Variants in DISC1 observed in about 807,000 individuals in gnomAD.
DISC1 encodes the protein disrupted in schizophrenia 1 protein.
In DISC1, 57 loss-of-function variants were observed where a neutral mutation model predicts 84.5. The ratio of observed to expected loss-of-function variants is 0.67; its 90% CI spans 0.55 to 0.84. The LOEUF (loss-of-function observed/expected upper bound fraction) is 0.84, where lower values mean the gene tolerates loss of function less well. Ranked by LOEUF, DISC1 falls within the 40% of genes least tolerant of loss-of-function variation. The pLI, the probability that DISC1 is intolerant of heterozygous loss-of-function variation, is 0.00. For missense variants in DISC1, 1,000 were observed against 1,057.8 expected, an observed-to-expected ratio of 0.95 and a Z score of 0.76; for synonymous variants, 411 against 415.2, an observed-to-expected ratio of 0.99 and a Z score of 0.12.
chr1:231,694,221 A>T lies in DISC1; in HGVS notation c.463A>T (p.Thr155Ser), dbSNP rs750498211. The change falls in exon 2 of 13, where the codon ACC becomes TCC. Residue 155 changes from threonine to serine, a missense_variant. By Grantham distance (58) the Thr-to-Ser change is moderately conservative (BLOSUM62 1). Around this residue, in one of 3 missense-constraint regions of DISC1, gnomAD observed 292 missense variants for 280.2 expected, o/e 1.04. Transcript: ENST00000439617. ...GTTTGCAGCCATGGATAGTTCTGAG[A>T]CCCTGGACGCCAGCTGGGAGGCAGC... ...QEFAAMDSSE[T>S]LDASWEAACS... 1.2e-6 allele frequency: 2 copies of T among 1,614,094 alleles called. No individual in the cohort carries two copies. The highest frequency in any genetic ancestry group is 1.7e-5 in the Admixed American group (1 of 60,028).
chr1:231,890,492 T>C (rs1318947566), intron 9 of DISC1, among the ~76,000 whole-genome samples: 1 of 152,178 alleles, frequency 6.6e-6, no homozygotes, highest in Non-Finnish European at 1.5e-5. Flanking sequence ...TGACACTATA[T>C]ATGATTTAAC....
chr1:231,975,827 G>GTGA (rs552553556), intron 10 of DISC1, among the ~76,000 whole-genome samples: 49 of 152,310 alleles, frequency 3.2e-4, no homozygotes, highest in African/African-American at 1.2e-3. Context: ...ATTTGGAAAG[G>GTGA]TGAGAGAGTG....
chr1:231,742,771 G>A (rs1459993405), intron 3 of DISC1, among the ~76,000 whole-genome samples: 1 of 144,380 alleles, frequency 6.9e-6, no homozygotes, highest in African/African-American at 2.7e-5. Context: ...AAAGCTAGGT[G>A]TGGTGGCACA....
intron 1 of DISC1, among the ~76,000 whole-genome samples, chr1:231,644,398 C>G (rs984796515): frequency 3.9e-5 from 6 of 152,230 alleles, no homozygotes; most frequent in Non-Finnish European, 7.3e-5. Context: ...ATATCCCAGG[C>G]TTTCTCGCCA....
chr1:231,694,710 A>G lies in DISC1; in HGVS notation c.952A>G (p.Ser318Gly), dbSNP rs995408222. The stretch of plus-strand genomic sequence containing the variant: ...GGCTGGCTGTGGTGGTGATGGGAGC[A>G]GCGGCTCAGGGGATGCCCACTCTTG... ...SLAGCGGDGSSGSGDAHSWDT... is the reference protein window; with the variant it reads ...SLAGCGGDGSGGSGDAHSWDT... The change falls in exon 2 of 13, where the codon AGC becomes GGC. Residue 318 changes from serine (S) to glycine (G), a missense_variant. Physicochemically the swap from Ser to Gly is moderately conservative, Grantham distance 56. Transcript: ENST00000439617. 6.2e-7 allele frequency: 1 copy of G among 1,614,190 alleles called. No homozygotes were observed. Among genetic ancestry groups the G allele is most frequent in the Non-Finnish European group, 8.5e-7 (1 of 1,180,048 alleles).
intron 9 of DISC1, among the ~76,000 whole-genome samples, chr1:231,823,365 T>A (rs938455012): frequency 6.6e-6 from 1 of 152,034 alleles, no homozygotes; most frequent in African/African-American, 2.4e-5. Flanking sequence ...CAAACAACAA[T>A]AAAATTTAAA....
chr1:231,957,649 G>C (rs1041561392), intron 9 of DISC1, among the ~76,000 whole-genome samples: 5 of 152,128 alleles, frequency 3.3e-5, no homozygotes, highest in Non-Finnish European at 5.9e-5. Flanking sequence ...TGTTAGACCA[G>C]CATAAGTCAA....
chr1:231,755,630 A>G (rs1461793098), intron 4 of DISC1, among the ~76,000 whole-genome samples: 1 of 151,958 alleles, frequency 6.6e-6, no homozygotes, highest in African/African-American at 2.4e-5. Flanking sequence ...TATCTTTTAA[A>G]CTAAATTTAC....
chr1:232,022,924 C>T (rs1221096662), intron 11 of DISC1, among the ~76,000 whole-genome samples: 1 of 152,154 alleles, frequency 6.6e-6, no homozygotes, highest in Admixed American at 6.5e-5. Context: ...CTTGGAAAAA[C>T]AGCCCCACGA....
In DISC1 at chr1:231,626,880, G is replaced by T; in HGVS notation, c.13G>T (p.Gly5Cys). The change falls in exon 1 of 13, where the codon GGT (glycine) becomes TGT (cysteine). Residue 5 changes from glycine (G) to cysteine (C), a missense_variant. This residue lies in a region of DISC1 where 292 missense variants were observed against 280.2 expected (regional missense o/e 1.04). Transcript: ENST00000439617. MPGG[G>C]PQGAPAAAGG... ...GGCAGCGGGGCGCATGCCAGGCGGG[G>T]GTCCTCAGGGCGCCCCAGCCGCCGC... 6.7e-7 allele frequency: 1 copy of T among 1,484,724 alleles called. No homozygotes were observed. The highest frequency in any genetic ancestry group is 1.3e-5 in the South Asian group (1 of 78,618). The allele number at this position is 1,484,724 out of a possible 1,614,324, so 92.0% of individuals were successfully genotyped here.
chr1:231,900,952 C>G (rs1162597238), intron 9 of DISC1, among the ~76,000 whole-genome samples: 1 of 152,214 alleles, frequency 6.6e-6, no homozygotes, highest in Non-Finnish European at 1.5e-5. Context: ...TCTAGTCTGC[C>G]ATGGGTTTGG....
In DISC1 at chr1:231,829,044, A is replaced by G. The variant is rs191939707; in HGVS notation, c.1981+10527A>G. On this transcript the variant is annotated intron_variant, in intron 9 of 12. Coordinates refer to ENST00000439617, the MANE Select transcript of DISC1 (RefSeq NM_018662.3). ...CAATTTATTATTTTTTATGTACATAACAGTCCAAGGATCAATATACTGTGA... is the reference window on the plus strand; with the variant it reads ...CAATTTATTATTTTTTATGTACATAGCAGTCCAAGGATCAATATACTGTGA... Among the ~76,000 whole-genome samples, 422 of 152,302 alleles carry G rather than the reference A, an allele frequency of 2.8e-3. 4 individuals carry two copies. The highest frequency in any genetic ancestry group is 2.9e-3 in the Non-Finnish European group (194 of 68,034).
intron 1 of DISC1, among the ~76,000 whole-genome samples, chr1:231,654,217 G>T (rs1392365321): frequency 6.6e-6 from 1 of 152,046 alleles, no homozygotes; most frequent in Non-Finnish European, 1.5e-5. Context: ...TTGTTTCAAG[G>T]CTCAAATAGA....
intron 11 of DISC1, among the ~76,000 whole-genome samples, chr1:232,024,357 G>C (rs1445238159): frequency 6.6e-6 from 1 of 152,100 alleles, no homozygotes; most frequent in Admixed American, 6.6e-5. Context: ...TTCTAAGGTA[G>C]TTGGCCATTG....
chr1:231,876,438 A>G (rs2125971307), intron 9 of DISC1, among the ~76,000 whole-genome samples: 1 of 152,290 alleles, frequency 6.6e-6, no homozygotes, highest in East Asian at 1.9e-4. Context: ...TCTCTTTTTA[A>G]TACATTACCC....
intron 1 of DISC1, among the ~76,000 whole-genome samples, chr1:231,689,999 T>C (rs758061285): frequency 6.6e-5 from 10 of 152,008 alleles, no homozygotes; most frequent in Non-Finnish European, 1.2e-4. Flanking sequence ...AGGGAGAACA[T>C]AAGAGGGAGG....
chr1:231,965,219 T>C (rs527302319), intron 10 of DISC1, among the ~76,000 whole-genome samples: 12 of 152,354 alleles, frequency 7.9e-5, no homozygotes, highest in African/African-American at 2.9e-4. Flanking sequence ...ATGAGGACTT[T>C]TAGTGTATGT....
Position 232,038,512 on chromosome 1 carries a change from A to G in DISC1, c.*1681A>G, listed in dbSNP as rs1670654987. The G allele has an allele frequency of 6.6e-6, 1 of 152,146 alleles. No homozygotes were observed. 9.4% of individuals were successfully genotyped at this position (152,146 alleles called of 1,614,324 possible). Reference sequence around the variant, plus strand: ...ACATTAGCATATTAGTCTGAGAGAGAACTTATAGTAAGGAAACTCACTTGA... The same window carrying G: ...ACATTAGCATATTAGTCTGAGAGAGGACTTATAGTAAGGAAACTCACTTGA... On this transcript the variant is annotated 3_prime_UTR_variant, in exon 13 of 13. Transcript: ENST00000439617.
intron 3 of DISC1, among the ~76,000 whole-genome samples, 191 bp from the exon 4 acceptor site, chr1:231,749,735 A>G (rs1448559301): frequency 6.6e-6 from 1 of 152,236 alleles, no homozygotes; most frequent in African/African-American, 2.4e-5. Flanking sequence ...TAGGAGAGCC[A>G]TCTTGTTGGT....
Sources: allele counts gnomAD v4.1 joint callset (sites outside exome capture counted in the v4.1 genomes callset), GRCh38; gene constraint gnomAD v4.1.1; regional missense constraint gnomAD v4.1.1; transcripts MANE v1.5; gene names NCBI Gene and HGNC (gene_info 2026-07-23, HGNC 2026-07-21).